Variants in UTRN observed in about 807,000 individuals in gnomAD.
UTRN encodes the protein dystrophin-related protein 1.
In UTRN, 283 loss-of-function variants were observed where a neutral mutation model predicts 463.9. That is an observed-to-expected ratio of 0.61 (90% CI 0.55 to 0.67). The LOEUF is 0.67. Ranked by LOEUF, UTRN falls within the 30% of genes least tolerant of loss-of-function variation. UTRN has a pLI of 0.00. For synonymous variants in UTRN, 1,442 were observed against 1,431.5 expected (o/e 1.01, Z -0.17); for missense variants, 3,922 against 4,084.3 (o/e 0.96, Z 1.08).
intron 51 of UTRN, among the ~76,000 whole-genome samples, chr6:144,667,878 T>G (rs1476203867): frequency 6.6e-6 from 1 of 152,210 alleles, no homozygotes; most frequent in Non-Finnish European, 1.5e-5. Flanking sequence ...CCTATTCACT[T>G]CTCTTCTGCA....
chr6:144,323,192 T>C (rs1300190545), intron 2 of UTRN, among the ~76,000 whole-genome samples: 1 of 152,194 alleles, frequency 6.6e-6, no homozygotes, highest in Non-Finnish European at 1.5e-5. Context: ...ATGTTTGCAT[T>C]GATGAAGCAT....
At chr6:144,296,564 A>G (rs1305691028) in intron 2 of UTRN, among the ~76,000 whole-genome samples, 1 of 152,226 alleles carries the variant, frequency 6.6e-6, no homozygotes, top group Non-Finnish European at 1.5e-5. Flanking sequence ...GATAAAGGCT[A>G]CAGAGTCTGG....
chr6:144,690,534 G>A (rs1426522869), intron 52 of UTRN, among the ~76,000 whole-genome samples: 1 of 152,058 alleles, frequency 6.6e-6, no homozygotes, highest in Non-Finnish European at 1.5e-5. Context: ...CATGAAGCAG[G>A]GGCACCCAGC....
At chr6:144,812,291 A>G (rs1206212589) in intron 65 of UTRN, among the ~76,000 whole-genome samples, 3 of 152,168 alleles carry the variant, frequency 2.0e-5, no homozygotes, top group African/African-American at 7.2e-5. Flanking sequence ...GGGGATAATA[A>G]TAAGAGTCCT....
At chr6:144,631,580 T>C (rs896029973) in intron 51 of UTRN, among the ~76,000 whole-genome samples, 2 of 152,120 alleles carry the variant, frequency 1.3e-5, no homozygotes, top group Non-Finnish European at 2.9e-5. Flanking sequence ...GGCGTATGTA[T>C]TGGAAAATTG....
At position 144,851,280 on chromosome 6, in the gene UTRN, G is replaced by C. The variant is rs1049307226; in HGVS notation, c.*283G>C. 4.1e-6 allele frequency: 2 copies of C among 488,832 alleles called. No homozygotes were observed. Among genetic ancestry groups the C allele is most frequent in the African/African-American group, 3.9e-5 (2 of 51,580 alleles). The allele number at this position is 488,832 out of a possible 1,614,324, so 30.3% of individuals were successfully genotyped here. A position where few individuals can be genotyped will look rare whatever the true frequency, so the allele number is the denominator to read the frequency against. The stretch of plus-strand genomic sequence containing the variant: ...TGGAAATGGTAATACATTTGTCACG[G>C]ATTTGTATAATGTATACAGCATTGG... On this transcript the variant is annotated 3_prime_UTR_variant, in exon 75 of 75. Coordinates refer to ENST00000367545, the MANE Select transcript of UTRN (RefSeq NM_007124.3).
intron 65 of UTRN, among the ~76,000 whole-genome samples, chr6:144,815,024 A>G (rs1778955043): frequency 6.6e-6 from 1 of 152,238 alleles, no homozygotes; most frequent in South Asian, 2.1e-4. Flanking sequence ...GTGTGCTTGG[A>G]ACATCTTGTA....
intron 66 of UTRN, among the ~76,000 whole-genome samples, chr6:144,824,495 AATATGTATATATTGTATAT>A (rs1313612884): frequency 2.1e-5 from 3 of 139,990 alleles, no homozygotes; most frequent in African/African-American, 7.7e-5. Context: ...ATATACAATA[AATATGTATATATTGTATAT>A]ATATGTATAT....
chr6:144,831,785 A>G (rs925735633), intron 69 of UTRN, among the ~76,000 whole-genome samples: 3 of 152,200 alleles, frequency 2.0e-5, no homozygotes, highest in Non-Finnish European at 4.4e-5. Context: ...GTCTCACTCC[A>G]TCTGCCATCT....
rs1380172617 is a variant in UTRN at position 144,824,615 on chromosome 6, T to TC, written c.9495-2733_9495-2732insC. Among the ~76,000 whole-genome samples, 35 of 30,736 alleles carry TC rather than the reference T, an allele frequency of 1.1e-3. 1 individual carries two copies. The highest frequency in any genetic ancestry group is 3.2e-3 in the African/African-American group (10 of 3,092). The allele number at this position is 30,736 out of a possible 152,430, so 20.2% of individuals were successfully genotyped here. ...ATATATATATATATATATATATATC[T>TC]TTTTTTTTTTTTTTTTTTTTTTGAG... On this transcript the variant is annotated intron_variant, in intron 66 of 74. Transcript: ENST00000367545.
intron 2 of UTRN, among the ~76,000 whole-genome samples, chr6:144,353,363 C>A (rs916461830): frequency 6.6e-6 from 1 of 151,974 alleles, no homozygotes; most frequent in Non-Finnish European, 1.5e-5. Context: ...GTCCACCTGC[C>A]TCTGCCTCCC....
At chr6:144,576,611 G>C (rs1248744119) in intron 50 of UTRN, among the ~76,000 whole-genome samples, 1 of 152,210 alleles carries the variant, frequency 6.6e-6, no homozygotes, top group East Asian at 1.9e-4. Context: ...GCCACTGACT[G>C]TAGGAGTATT....
chr6:144,444,180 A>T, intron 13 of UTRN, 101 bp from the exon 14 acceptor site: 1 of 926,108 alleles, frequency 1.1e-6, no homozygotes, highest in South Asian at 1.8e-5. Flanking sequence ...ATAAGTTGTT[A>T]TTCTATAATA....
In UTRN at chr6:144,366,279, C is replaced by T. The variant is rs1272776902; in HGVS notation, c.80-36844C>T. 2.6e-5 allele frequency among the ~76,000 whole-genome samples: 4 copies of T among 152,008 alleles called. No homozygotes were observed. In the South Asian group the frequency reaches 8.3e-4, roughly 32 times the overall value. The stretch of plus-strand genomic sequence containing the variant: ...AACTTTGATTTTAAGTTCTGGGGTA[C>T]GTGTGCAGGTTTGTTATAGAGGTAA... On this transcript the variant is annotated intron_variant, in intron 2 of 74. Transcript: ENST00000367545.
At chr6:144,659,349 T>G (rs1779625292) in intron 51 of UTRN, among the ~76,000 whole-genome samples, 2 of 152,140 alleles carry the variant, frequency 1.3e-5, no homozygotes, top group African/African-American at 4.8e-5. Flanking sequence ...GAAAGAGAAG[T>G]TGATTACCAC....
chr6:144,538,468 G>A (rs1319207083), intron 44 of UTRN, among the ~76,000 whole-genome samples: 1 of 151,444 alleles, frequency 6.6e-6, no homozygotes, highest in African/African-American at 2.4e-5. Context: ...ATGAGATCGA[G>A]ACCATCTGGC....
At chr6:144,610,292 A>C (rs1028374510) in intron 51 of UTRN, among the ~76,000 whole-genome samples, 4 of 152,102 alleles carry the variant, frequency 2.6e-5, no homozygotes, top group African/African-American at 9.6e-5. Context: ...GAACTGAACA[A>C]TTATACAGCA....
intron 71 of UTRN, among the ~76,000 whole-genome samples, chr6:144,838,473 T>TC (rs1457570108): frequency 3.3e-5 from 5 of 152,208 alleles, no homozygotes; most frequent in Non-Finnish European, 7.3e-5. Context: ...ACATCTGCAT[T>TC]CCCTATATGA....
chr6:144,753,974 T>G (rs1373047917), intron 56 of UTRN, among the ~76,000 whole-genome samples: 1 of 152,200 alleles, frequency 6.6e-6, no homozygotes, highest in Non-Finnish European at 1.5e-5. Context: ...GAAGTAGAGA[T>G]GATCAGATAC....
Sources: gnomAD v4.1 joint callset for allele counts (sites outside exome capture counted in the v4.1 genomes callset) on GRCh38, gnomAD v4.1.1 for gene constraint, MANE v1.5 for transcripts, NCBI Gene and HGNC (gene_info 2026-07-23, HGNC 2026-07-21) for gene names.